SREK1IP1: variants seen among roughly 807,000 people sequenced by gnomAD.
SREK1IP1 encodes SREK1 interacting protein 1.
A neutral mutation model predicts 22.8 loss-of-function variants in SREK1IP1; 12 were observed. That is an observed-to-expected ratio of 0.53 (90% CI 0.34 to 0.85). SREK1IP1 has a LOEUF of 0.85. Ranked by LOEUF, SREK1IP1 falls within the 40% of genes least tolerant of loss-of-function variation. The pLI is 0.02. For missense variants in SREK1IP1, 147 were observed against 171.8 expected, an observed-to-expected ratio of 0.86 and a Z score of 0.81; for synonymous variants, 53 against 52.7, an observed-to-expected ratio of 1.01 and a Z score of -0.02.
rs59456636 is a variant in SREK1IP1 at position 64,757,861 on chromosome 5, C to CTTTTTTTTTT, written c.14-3509_14-3500dup. On this transcript the variant is annotated intron_variant, in intron 1 of 4. Transcript: ENST00000513458. The stretch of plus-strand genomic sequence containing the variant: ...GCTACTGTTTCTATTAGGTTCCTAT[C>CTTTTTTTTTT]TTTTTTTTTTTTTTTTTTTTTTTTT... 6.9e-5 allele frequency among the ~76,000 whole-genome samples: 5 copies of CTTTTTTTTTT among 72,962 alleles called. 1 individual carries two copies. Among genetic ancestry groups the CTTTTTTTTTT allele is most frequent in the African/African-American group, 2.1e-4 (4 of 18,894 alleles). 47.9% of individuals were successfully genotyped at this position (72,962 alleles called of 152,430 possible). A position where few individuals can be genotyped will look rare whatever the true frequency, so the allele number is the denominator to read the frequency against.
In SREK1IP1 at chr5:64,728,114, T is replaced by C. The variant is rs867066149; in HGVS notation, c.271A>G (p.Arg91Gly). 1.1e-5 allele frequency: 13 copies of C among 1,224,106 alleles called. No homozygotes were observed. The highest frequency in any genetic ancestry group is 3.4e-5 in the African/African-American group (2 of 59,358). 75.8% of individuals were successfully genotyped at this position (1,224,106 alleles called of 1,614,324 possible). ...SKEKIKLKKK[R>G]KRSYSSSSTE... ...ATGTTGTTCAAAAAATACCTTTTCC[T>C]TTTTTTTTTCAATTTGATTTTTTCT... The change falls in exon 4 of 5, where the codon AGG (arginine) becomes GGG (glycine). Residue 91 changes from arginine to glycine, a missense_variant. Arg to Gly is a moderately radical substitution (Grantham distance 125, BLOSUM62 -2). Coordinates refer to ENST00000513458, the MANE Select transcript of SREK1IP1 (RefSeq NM_173829.4).
rs1742118565 is a variant in SREK1IP1 at position 64,719,415 on chromosome 5, A to G, written c.*4969T>C. ...TATAAAAATGACATTTTACACGGCC[A>G]TAAAAACAAAGAATTTTCACTTATT... On this transcript the variant is annotated 3_prime_UTR_variant, in exon 5 of 5. Transcript: ENST00000513458. 1 of 152,236 alleles carries G rather than the reference A, an allele frequency of 6.6e-6. No individual in the cohort carries two copies. Among genetic ancestry groups the G allele is most frequent in the Admixed American group, 6.5e-5 (1 of 15,280 alleles). The allele number at this position is 152,236 out of a possible 1,614,324, so 9.4% of individuals were successfully genotyped here.
intron 2 of SREK1IP1, among the ~76,000 whole-genome samples, chr5:64,748,045 A>G (rs1580550031): frequency 6.6e-6 from 1 of 152,376 alleles, no homozygotes; most frequent in East Asian, 1.9e-4. Context: ...ATACTCGTAC[A>G]TCAACATTCA....
rs112292521 is a variant in SREK1IP1 at position 64,739,305 on chromosome 5, G to A, written c.205+1752C>T. Reference sequence around the variant, plus strand: ...CTCCCTGCTTTCAGCTATGGTTAGTGTGTCCCAGTCTAAAGAACCTATGTT... The same window carrying A: ...CTCCCTGCTTTCAGCTATGGTTAGTATGTCCCAGTCTAAAGAACCTATGTT... On this transcript the variant is annotated intron_variant, in intron 3 of 4. Transcript: ENST00000513458. Among the ~76,000 whole-genome samples, 36 of 152,224 alleles carry A rather than the reference G, an allele frequency of 2.4e-4. 1 individual carries two copies. Among genetic ancestry groups the A allele is most frequent in the African/African-American group, 8.4e-4 (35 of 41,558 alleles).
chr5:64,763,565 T>A (rs1275984878), intron 1 of SREK1IP1, among the ~76,000 whole-genome samples: 1 of 150,512 alleles, frequency 6.6e-6, no homozygotes, highest in East Asian at 2.0e-4. Flanking sequence ...AAAAAAAAAA[T>A]AGAAGAGACA....
At chr5:64,736,881 C>T (rs1189741448) in intron 3 of SREK1IP1, among the ~76,000 whole-genome samples, 1 of 151,168 alleles carries the variant, frequency 6.6e-6, no homozygotes, top group East Asian at 1.9e-4. Context: ...TTAAAATTGT[C>T]ACTTTAGCTT....
chr5:64,750,701 T>C (rs1231835760), intron 2 of SREK1IP1, among the ~76,000 whole-genome samples: 1 of 152,174 alleles, frequency 6.6e-6, no homozygotes, highest in Non-Finnish European at 1.5e-5. Context: ...ACAAACAAAA[T>C]TGAGATTACC....
At position 64,768,673 on chromosome 5, in the gene SREK1IP1, G is replaced by C; in HGVS notation, c.-156C>G. On this transcript the variant is annotated 5_prime_UTR_variant, in exon 1 of 5. Transcript: ENST00000513458. Reference sequence around the variant, plus strand: ...CGGGAAGGGCCTGTACGCCTCTAGCGACGGCAGAACCAGTAGATGCGGATG... The same window carrying C: ...CGGGAAGGGCCTGTACGCCTCTAGCCACGGCAGAACCAGTAGATGCGGATG... 2.1e-6 allele frequency: 2 copies of C among 957,946 alleles called. No individual in the cohort carries two copies. The highest frequency in any genetic ancestry group is 3.2e-6 in the Non-Finnish European group (2 of 621,178). The allele number at this position is 957,946 out of a possible 1,614,324, so 59.3% of individuals were successfully genotyped here.
Position 64,722,489 on chromosome 5 carries a change from A to G in SREK1IP1, c.*1895T>C, listed in dbSNP as rs1347450008. 2 of 152,160 alleles carry G rather than the reference A, an allele frequency of 1.3e-5. No individual in the cohort carries two copies. Among genetic ancestry groups the G allele is most frequent in the East Asian group, 3.8e-4 (2 of 5,206 alleles). 9.4% of individuals were successfully genotyped at this position (152,160 alleles called of 1,614,324 possible). The stretch of plus-strand genomic sequence containing the variant: ...ATTTTATTTTACTGTTATTTTTTCA[A>G]GGCTAGTCAAGTCAAGCAGTGGGAG... On this transcript the variant is annotated 3_prime_UTR_variant, in exon 5 of 5. Coordinates refer to ENST00000513458, the MANE Select transcript of SREK1IP1 (RefSeq NM_173829.4).
Position 64,768,529 on chromosome 5 carries a change from G to GC in SREK1IP1, c.-13_-12insG. On this transcript the variant is annotated 5_prime_UTR_variant, in exon 1 of 5. Coordinates refer to ENST00000513458, the MANE Select transcript of SREK1IP1 (RefSeq NM_173829.4). ...CCTGGGACTGCCATGACGGTGGTAA[G>GC]AGGGGTAACTCGAGCCTCTGGCTTT... 1 of 1,614,176 alleles carries GC rather than the reference G, an allele frequency of 6.2e-7. No individual in the cohort carries two copies. The highest frequency in any genetic ancestry group is 8.5e-7 in the Non-Finnish European group (1 of 1,180,024).
intron 3 of SREK1IP1, 89 bp downstream of exon 3, chr5:64,740,966 AAG>A (rs1001869147): frequency 1.7e-6 from 2 of 1,204,796 alleles, no homozygotes; most frequent in African/African-American, 3.1e-5. Flanking sequence ...TAAACTATAA[AAG>A]AGATCTTAGT....
chr5:64,741,179 C>T lies in SREK1IP1; in HGVS notation c.83G>A (p.Cys28Tyr). ...AGGGTCTACTCGGAGAAAATTGCGG[C>T]ATTCAAAAGTCAGGTGACCAGCTAA... ...CGYPGHLTFECRNFLRVDPKR... is the reference protein window; with the variant it reads ...CGYPGHLTFEYRNFLRVDPKR... The change falls in exon 3 of 5, where the codon TGC (cysteine) becomes TAC (tyrosine). Residue 28 changes from cysteine to tyrosine, a missense_variant. Cys to Tyr is a radical substitution (Grantham distance 194). Around this residue, in one of 3 missense-constraint regions of SREK1IP1, gnomAD observed 62 missense variants for 73.3 expected, o/e 0.85. Coordinates refer to ENST00000513458, the MANE Select transcript of SREK1IP1 (RefSeq NM_173829.4). 6.2e-7 allele frequency: 1 copy of T among 1,610,710 alleles called. No individual in the cohort carries two copies.
At chr5:64,761,004 G>C (rs1169785792) in intron 1 of SREK1IP1, among the ~76,000 whole-genome samples, 1 of 152,126 alleles carries the variant, frequency 6.6e-6, no homozygotes, top group African/African-American at 2.4e-5. Context: ...GTAACACTAA[G>C]AAAAGTAACT....
Position 64,741,121 on chromosome 5 carries a change from T to C in SREK1IP1, c.141A>G (p.Thr47=). ...TCTCTTCATCGCTATCTTCACTACT[T>C]GTACTGCTGACATCCAAAACTATGT... is the stretch of plus-strand genomic sequence containing the variant. ...KRDIVLDVSS[T]SSEDSDEENE... The change falls in exon 3 of 5, where the codon ACA becomes ACG. Residue 47 remains threonine (T), a synonymous_variant. Coordinates refer to ENST00000513458, the MANE Select transcript of SREK1IP1 (RefSeq NM_173829.4). 2.5e-6 allele frequency: 4 copies of C among 1,613,086 alleles called. No homozygotes were observed. The highest frequency in any genetic ancestry group is 2.2e-5 in the South Asian group (2 of 91,026).
chr5:64,759,200 T>G (rs1469897583), intron 1 of SREK1IP1, among the ~76,000 whole-genome samples: 1 of 152,214 alleles, frequency 6.6e-6, no homozygotes, highest in Admixed American at 6.5e-5. Flanking sequence ...AGGCTTTGCT[T>G]AGATTCACTG....
chr5:64,740,818 G>C (rs1461444720), intron 3 of SREK1IP1, among the ~76,000 whole-genome samples: 1 of 152,020 alleles, frequency 6.6e-6, no homozygotes, highest in East Asian at 1.9e-4. Context: ...AATGTGATGG[G>C]GGAAAAACAA....
chr5:64,760,367 GACAA>G (rs1261177369), intron 1 of SREK1IP1, among the ~76,000 whole-genome samples: 10 of 152,330 alleles, frequency 6.6e-5, no homozygotes, highest in African/African-American at 2.2e-4. Flanking sequence ...AGAAAGAACA[GACAA>G]TAACATACAG....
chr5:64,727,264 C>CA (rs2112085785), intron 4 of SREK1IP1, among the ~76,000 whole-genome samples: 1 of 151,738 alleles, frequency 6.6e-6, no homozygotes, highest in Non-Finnish European at 1.5e-5. Context: ...CCTGTATGTG[C>CA]AAATTTATGC....
intron 3 of SREK1IP1, among the ~76,000 whole-genome samples, chr5:64,738,811 T>C (rs751466395): frequency 6.6e-5 from 10 of 152,162 alleles, no homozygotes; most frequent in Admixed American, 1.3e-4. Context: ...CCTCATGCCA[T>C]ATATAAAAAT....
Sources: gnomAD v4.1 joint callset for allele counts (sites outside exome capture counted in the v4.1 genomes callset) on GRCh38, gnomAD v4.1.1 for gene constraint, gnomAD v4.1.1 regional missense constraint, MANE v1.5 for transcripts, NCBI Gene and HGNC (gene_info 2026-07-23, HGNC 2026-07-21) for gene names.